Variants in CSMD1 observed in about 807,000 individuals in gnomAD.
CSMD1 encodes the protein CUB and Sushi multiple domains 1, also known as CUB and sushi domain-containing protein 1.
CSMD1 carries 213 observed loss-of-function variants against 417.5 expected under a neutral mutation model. The ratio of observed to expected loss-of-function variants is 0.51; its 90% confidence interval spans 0.46 to 0.57. The LOEUF (loss-of-function observed/expected upper bound fraction) is 0.57, where lower values mean the gene tolerates loss of function less well. CSMD1 is among the 20% of genes least tolerant of loss of function. The probability of loss-of-function intolerance (pLI) is 0.00; values close to 1 mark genes in which losing one functional copy is unlikely to be tolerated. For synonymous variants in CSMD1, 2,862 were observed against 1,736.8 expected (o/e 1.65, Z -16.11); for missense variants, 6,923 against 4,529.7 (o/e 1.53, Z -15.17).
chr8:4,179,430 A>C (rs181822614), intron 3 of CSMD1, among the ~76,000 whole-genome samples: 1 of 152,112 alleles, frequency 6.6e-6, no homozygotes, highest in East Asian at 1.9e-4. Context: ...AATCAATTCA[A>C]GATGGATTAA....
chr8:3,838,974 T>C (rs1228616939), intron 5 of CSMD1, among the ~76,000 whole-genome samples: 7 of 124,656 alleles, frequency 5.6e-5, no homozygotes, highest in Non-Finnish European at 1.1e-4. Flanking sequence ...ATATTATATA[T>C]AATATATTAT....
intron 1 of CSMD1, among the ~76,000 whole-genome samples, chr8:4,645,872 G>A (rs976282535): frequency 2.0e-5 from 3 of 152,080 alleles, no homozygotes; most frequent in African/African-American, 4.8e-5. Flanking sequence ...GTGCTCCTCC[G>A]CTCACTGTAC....
intron 3 of CSMD1, among the ~76,000 whole-genome samples, chr8:4,342,804 G>C (rs966995134): frequency 6.6e-6 from 1 of 151,828 alleles, no homozygotes; most frequent in African/African-American, 2.4e-5. Context: ...AAGGTGGTTC[G>C]TTCCTGCCAC....
Position 4,485,804 on chromosome 8 carries a change from G to T in CSMD1, c.303-65739C>A, listed in dbSNP as rs920910485. Among the ~76,000 whole-genome samples, 4 of 152,036 alleles carry T rather than the reference G, an allele frequency of 2.6e-5. No homozygotes were observed. In the South Asian group the frequency reaches 8.3e-4, roughly 32 times the overall value. ...TGAAATGCATCTGCTACTGACAAAA[G>T]AAATGGCAAATTCCAAAATGTGGCA... On this transcript the variant is annotated intron_variant, in intron 2 of 69. Coordinates refer to ENST00000635120, the MANE Select transcript of CSMD1 (RefSeq NM_033225.6).
intron 2 of CSMD1, among the ~76,000 whole-genome samples, chr8:4,491,883 G>T (rs904745508): frequency 6.6e-6 from 1 of 152,126 alleles, no homozygotes; most frequent in Admixed American, 6.5e-5. Context: ...TTATGTAAAT[G>T]AGTTGAAAAG....
chr8:4,338,915 A>C (rs977179052), intron 3 of CSMD1, among the ~76,000 whole-genome samples: 11 of 152,148 alleles, frequency 7.2e-5, no homozygotes, highest in African/African-American at 2.4e-4. Context: ...GAGGCATGAT[A>C]AATAAAGTTA....
chr8:3,678,052 G>A (rs567503637), intron 7 of CSMD1, among the ~76,000 whole-genome samples: 1 of 152,216 alleles, frequency 6.6e-6, no homozygotes, highest in Admixed American at 6.5e-5. Context: ...CAGTGGGAGG[G>A]TGGTTCAAAG....
intron 5 of CSMD1, among the ~76,000 whole-genome samples, chr8:3,923,145 G>A (rs545622816): frequency 8.5e-5 from 13 of 152,236 alleles, no homozygotes; most frequent in African/African-American, 3.1e-4. Context: ...TAGGGTCCCA[G>A]ACCACGCCGA....
At chr8:4,413,245 G>A (rs937048928) in intron 3 of CSMD1, among the ~76,000 whole-genome samples, 2 of 152,140 alleles carry the variant, frequency 1.3e-5, no homozygotes, top group Non-Finnish European at 2.9e-5. Context: ...ACTGTGAGCT[G>A]GCTAAGCTTT....
intron 5 of CSMD1, among the ~76,000 whole-genome samples, chr8:3,941,008 T>G (rs1397151335): frequency 6.6e-6 from 1 of 152,010 alleles, no homozygotes; most frequent in Non-Finnish European, 1.5e-5. Flanking sequence ...ATAATAGATG[T>G]ACATATTTCC....
intron 3 of CSMD1, among the ~76,000 whole-genome samples, chr8:4,217,823 T>C (rs977204406): frequency 2.6e-5 from 4 of 152,004 alleles, no homozygotes; most frequent in Non-Finnish European, 5.9e-5. Flanking sequence ...CCCTCTCAAG[T>C]AAGATTCAAA....
intron 1 of CSMD1, among the ~76,000 whole-genome samples, chr8:4,964,609 A>T (rs539242363): frequency 6.6e-6 from 1 of 151,748 alleles, no homozygotes; most frequent in South Asian, 2.1e-4. Flanking sequence ...TTAATCAATG[A>T]CCCTGAAGCA....
At chr8:4,404,378 C>T (rs1405481623) in intron 3 of CSMD1, among the ~76,000 whole-genome samples, 1 of 152,074 alleles carries the variant, frequency 6.6e-6, no homozygotes, top group African/African-American at 2.4e-5. Context: ...CTGTTTTGTT[C>T]AACGCTGTAT....
intron 30 of CSMD1, among the ~76,000 whole-genome samples, chr8:3,211,430 C>T (rs11989577): frequency 0.2 from 31,017 of 152,078 alleles, 3,440 homozygotes; most frequent in Non-Finnish European, 0.25. Flanking sequence ...ACCTGTAATG[C>T]GTGGCAGAGA....
intron 21 of CSMD1, among the ~76,000 whole-genome samples, chr8:3,353,934 A>T (rs895801759): frequency 1.3e-5 from 2 of 152,152 alleles, no homozygotes; most frequent in African/African-American, 4.8e-5. Context: ...GTACAAAGGA[A>T]TCTACCTGTG....
chr8:3,942,215 A>C (rs1380941749), intron 5 of CSMD1, among the ~76,000 whole-genome samples: 1 of 151,958 alleles, frequency 6.6e-6, no homozygotes, highest in Non-Finnish European at 1.5e-5. Flanking sequence ...GACTTGTATT[A>C]TTTTCATCAT....
intron 2 of CSMD1, among the ~76,000 whole-genome samples, chr8:4,494,950 G>A (rs536278082): frequency 1.9e-4 from 29 of 151,892 alleles, no homozygotes; most frequent in Non-Finnish European, 3.8e-4. Context: ...TAATTAAAAG[G>A]CAGCAGAAAA....
intron 5 of CSMD1, among the ~76,000 whole-genome samples, chr8:3,952,329 C>A (rs1275418274): frequency 6.6e-6 from 1 of 151,980 alleles, no homozygotes; most frequent in Non-Finnish European, 1.5e-5. Context: ...ATGCAGAAGC[C>A]AATAGAATAA....
chr8:3,361,491 A>G (rs145506608), intron 20 of CSMD1, among the ~76,000 whole-genome samples: 170 of 151,940 alleles, frequency 1.1e-3, no homozygotes, highest in African/African-American at 3.9e-3. Context: ...AAAATAAAAA[A>G]TAACAAAAAA....
Sources: allele counts gnomAD v4.1 joint callset (sites outside exome capture counted in the v4.1 genomes callset), GRCh38; gene constraint gnomAD v4.1.1; transcripts MANE v1.5; gene names NCBI Gene and HGNC (gene_info 2026-07-23, HGNC 2026-07-21).